Variants in CNTN1 observed in about 807,000 individuals in gnomAD.
CNTN1 encodes contactin 1.
A neutral mutation model predicts 126.4 loss-of-function variants in CNTN1; 38 were observed. The ratio of observed to expected loss-of-function variants is 0.30; its 90% CI spans 0.23 to 0.39. The LOEUF (loss-of-function observed/expected upper bound fraction) is 0.39, where lower values mean the gene tolerates loss of function less well. Ranked by LOEUF, CNTN1 falls within the 10% of genes least tolerant of loss-of-function variation. The probability of loss-of-function intolerance (pLI) is 1.00; values close to 1 mark genes in which losing one functional copy is unlikely to be tolerated. For missense variants in CNTN1, 1,009 were observed against 1,248.4 expected, an observed-to-expected ratio of 0.81 and a Z score of 2.89; for synonymous variants, 413 against 422.6, an observed-to-expected ratio of 0.98 and a Z score of 0.28.
At chr12:41,030,772 T>C (rs1487870229) in intron 23 of CNTN1, among the ~76,000 whole-genome samples, 1 of 152,204 alleles carries the variant, frequency 6.6e-6, no homozygotes, top group Admixed American at 6.5e-5. Flanking sequence ...CCTATTATCA[T>C]TGAGTATAAG....
intron 4 of CNTN1, among the ~76,000 whole-genome samples, chr12:40,921,197 T>G (rs910577615): frequency 6.6e-5 from 10 of 152,196 alleles, no homozygotes; most frequent in African/African-American, 2.4e-4. Flanking sequence ...CTAATAATGT[T>G]CCAGTAACTT....
intron 23 of CNTN1, among the ~76,000 whole-genome samples, chr12:41,050,771 G>A (rs1001182838): frequency 2.0e-5 from 3 of 152,078 alleles, no homozygotes; most frequent in Non-Finnish European, 2.9e-5. Flanking sequence ...ATTATAACCG[G>A]AAGTATGAGT....
intron 1 of CNTN1, among the ~76,000 whole-genome samples, chr12:40,858,090 G>C (rs1392822309): frequency 6.6e-6 from 1 of 152,070 alleles, no homozygotes; most frequent in Non-Finnish European, 1.5e-5. Context: ...TTCTCTTTCA[G>C]TTGTTAGCAG....
intron 15 of CNTN1, among the ~76,000 whole-genome samples, chr12:40,965,920 G>A (rs1460085554): frequency 2.0e-5 from 3 of 151,766 alleles, no homozygotes; most frequent in African/African-American, 4.8e-5. Flanking sequence ...TTATGTAGTT[G>A]AGAAGAATAG....
At chr12:40,851,707 C>T (rs375551006) in intron 1 of CNTN1, among the ~76,000 whole-genome samples, 41 of 151,650 alleles carry the variant, frequency 2.7e-4, no homozygotes, top group African/African-American at 9.0e-4. Context: ...TTCACACAGA[C>T]ATCCAGCAAG....
chr12:40,992,649 C>A (rs1196229163), intron 16 of CNTN1, among the ~76,000 whole-genome samples: 2 of 151,982 alleles, frequency 1.3e-5, no homozygotes, highest in African/African-American at 4.8e-5. Flanking sequence ...ATCTATAAAA[C>A]CAAGTAAAAA....
chr12:41,041,953 G>T (rs1027724306), intron 23 of CNTN1, among the ~76,000 whole-genome samples: 18 of 152,128 alleles, frequency 1.2e-4, no homozygotes, highest in African/African-American at 4.3e-4. Context: ...CTTGCCTTCT[G>T]CTAGCTTTTG....
chr12:40,725,431 A>AG (rs1400760710), intron 1 of CNTN1, among the ~76,000 whole-genome samples: 1 of 150,810 alleles, frequency 6.6e-6, no homozygotes, highest in East Asian at 1.9e-4. Context: ...AAAGGAAAGA[A>AG]AAAAAAAGAA....
chr12:40,942,644 G>C (rs2076461607), intron 12 of CNTN1, among the ~76,000 whole-genome samples: 1 of 151,974 alleles, frequency 6.6e-6, no homozygotes, highest in South Asian at 2.1e-4. Context: ...CTCAGAGTTG[G>C]AGAGTGGCAT....
intron 23 of CNTN1, among the ~76,000 whole-genome samples, chr12:41,052,301 C>T (rs756394234): frequency 1.3e-5 from 2 of 152,100 alleles, no homozygotes; most frequent in East Asian, 1.9e-4. Flanking sequence ...GATGTATTTC[C>T]GTGTTTGCAC....
chr12:40,886,243 G>A (rs1215447234), intron 1 of CNTN1, among the ~76,000 whole-genome samples: 1 of 151,998 alleles, frequency 6.6e-6, no homozygotes, highest in Non-Finnish European at 1.5e-5. Context: ...TGTGTTTCCA[G>A]TATGGTAGAA....
At chr12:40,830,791 G>GTATA (rs10592423) in intron 1 of CNTN1, among the ~76,000 whole-genome samples, 33 of 75,792 alleles carry the variant, frequency 4.4e-4, no homozygotes, top group Admixed American at 4.8e-4. Context: ...AAAGTATAGT[G>GTATA]TATATATATA....
chr12:40,907,322 C>T (rs1261897324), intron 1 of CNTN1, among the ~76,000 whole-genome samples: 1 of 152,208 alleles, frequency 6.6e-6, no homozygotes, highest in East Asian at 1.9e-4. Context: ...TACAGGTCCA[C>T]ACAACTATGT....
intron 9 of CNTN1, among the ~76,000 whole-genome samples, chr12:40,936,312 G>A (rs1946079541): frequency 6.6e-6 from 1 of 151,942 alleles, no homozygotes; most frequent in Non-Finnish European, 1.5e-5. Context: ...AAAGTGAGAT[G>A]TTACCGTGGC....
chr12:40,959,635 C>T (rs960994032), intron 15 of CNTN1, among the ~76,000 whole-genome samples: 5 of 152,010 alleles, frequency 3.3e-5, no homozygotes, highest in Admixed American at 6.6e-5. Flanking sequence ...ATATTTATCA[C>T]TTTTGTCTTA....
At chr12:41,042,006 T>C (rs1185602116) in intron 23 of CNTN1, among the ~76,000 whole-genome samples, 1 of 152,166 alleles carries the variant, frequency 6.6e-6, no homozygotes, top group African/African-American at 2.4e-5. Context: ...AATTGTGATG[T>C]TAGGGTGTCA....
chr12:40,923,413 A>C (rs1945522413), intron 5 of CNTN1, among the ~76,000 whole-genome samples: 1 of 152,194 alleles, frequency 6.6e-6, no homozygotes, highest in African/African-American at 2.4e-5. Context: ...CCTTCATGGT[A>C]GGGTTTATCA....
intron 1 of CNTN1, among the ~76,000 whole-genome samples, chr12:40,790,248 T>G (rs6581959): frequency 0.91 from 137,734 of 152,064 alleles, 62,503 homozygotes; most frequent in Middle Eastern, 0.95. Flanking sequence ...GCCCCTTGCT[T>G]CCTCTAAAAG....
At position 41,040,870 on chromosome 12, in the gene CNTN1, T is replaced by A. The variant is rs543670379; in HGVS notation, c.2980+11651T>A. On this transcript the variant is annotated intron_variant, in intron 23 of 23. Transcript: ENST00000551295. ...TCATGTCATCTGCAAACAGGGACAA[T>A]TTGACTTCCTCTTTTCCTAATTGAC... 3.2e-3 allele frequency among the ~76,000 whole-genome samples: 472 copies of A among 146,028 alleles called. 3 individuals carry two copies. The highest frequency in any genetic ancestry group is 5.2e-3 in the Non-Finnish European group (348 of 67,022).
Sources: allele counts gnomAD v4.1 joint callset (sites outside exome capture counted in the v4.1 genomes callset), GRCh38; gene constraint gnomAD v4.1.1; transcripts MANE v1.5; gene names NCBI Gene and HGNC (gene_info 2026-07-23, HGNC 2026-07-21).